Variants in MYO1E observed in about 807,000 individuals in gnomAD.
The protein encoded by MYO1E is unconventional myosin-Ie.
MYO1E carries 68 observed loss-of-function variants against 151.1 expected under a neutral mutation model. The observed-to-expected ratio is 0.45, with a 90% CI of 0.37 to 0.55. The LOEUF (loss-of-function observed/expected upper bound fraction) is 0.55. Among genes scored for constraint, MYO1E ranks in the 20% least tolerant of loss-of-function variants. MYO1E has a pLI of 0.00. For synonymous variants in MYO1E, 601 were observed against 501.7 expected (o/e 1.20, Z -2.64); for missense variants, 1,363 against 1,389.3 (o/e 0.98, Z 0.30).
intron 23 of MYO1E, 37 bp downstream of exon 23, chr15:59,163,120 C>T (rs1394521343): frequency 6.2e-7 from 1 of 1,611,642 alleles, no homozygotes; most frequent in Admixed American, 1.7e-5. Flanking sequence ...CCCTTTTTAG[C>T]TACACGCAGA....
intron 2 of MYO1E, among the ~76,000 whole-genome samples, chr15:59,270,597 C>T (rs2080283783): frequency 6.7e-6 from 1 of 148,188 alleles, no homozygotes; most frequent in Admixed American, 6.7e-5. Flanking sequence ...TTATATCCCA[C>T]AACTATATAC....
At chr15:59,302,440 G>GT (rs1238545920) in intron 1 of MYO1E, among the ~76,000 whole-genome samples, 1 of 152,178 alleles carries the variant, frequency 6.6e-6, no homozygotes, top group Non-Finnish European at 1.5e-5. Context: ...CCTTAGCTGG[G>GT]TGACCACTGC....
chr15:59,206,642 T>G (rs2079835893), intron 14 of MYO1E: 2 of 379,678 alleles, frequency 5.3e-6, no homozygotes, highest in Non-Finnish European at 9.4e-6. Flanking sequence ...AACTAGTAAT[T>G]CCAGGGATCT....
intron 12 of MYO1E, 145 bp from the exon 13 acceptor site, chr15:59,210,745 C>G: frequency 1.5e-6 from 1 of 651,578 alleles, no homozygotes; most frequent in Non-Finnish European, 2.7e-6. Flanking sequence ...TTTTTATTTT[C>G]TAAGAGGTAA....
intron 1 of MYO1E, among the ~76,000 whole-genome samples, chr15:59,294,637 C>T (rs1250517856): frequency 6.6e-6 from 1 of 152,196 alleles, no homozygotes; most frequent in Non-Finnish European, 1.5e-5. Context: ...CTCCCTTGCC[C>T]CTGTCGTTTC....
At chr15:59,241,707 A>G (rs35226942) in intron 4 of MYO1E, among the ~76,000 whole-genome samples, 1 of 152,094 alleles carries the variant, frequency 6.6e-6, no homozygotes, top group Non-Finnish European at 1.5e-5. Context: ...CCATCTCAAA[A>G]ATAAATAGAT....
In MYO1E at chr15:59,224,708, C is replaced by G. The variant is rs143368771; in HGVS notation, c.758G>C (p.Arg253Pro). Residue 253 changes from arginine to proline, a missense_variant, in exon 8 of 28, where the codon CGG (arginine) becomes CCG (proline). Physicochemically the swap from Arg to Pro is moderately radical, Grantham distance 103 (BLOSUM62 -2). Coordinates refer to ENST00000288235, the MANE Select transcript of MYO1E (RefSeq NM_004998.4). ...SYKVDDIDDRREFQETLHAMN... is the reference protein window; with the variant it reads ...SYKVDDIDDRPEFQETLHAMN... Reference sequence around the variant, plus strand: ...ACTTACCAGAGTTTCCTGAAACTCCCGCCTGTCGTCAATGTCATCAACCTT... The same window carrying G: ...ACTTACCAGAGTTTCCTGAAACTCCGGCCTGTCGTCAATGTCATCAACCTT... 3.1e-6 allele frequency: 5 copies of G among 1,613,278 alleles called. No individual in the cohort carries two copies. In the African/African-American group the frequency reaches 5.3e-5, roughly 17 times the overall value.
chr15:59,231,909 G>T (rs2306784), intron 5 of MYO1E, 118 bp from the exon 6 acceptor site: 2 of 887,736 alleles, frequency 2.3e-6, no homozygotes, highest in Non-Finnish European at 3.7e-6. Context: ...CCCCACACCC[G>T]TGTGTCACTG....
At position 59,195,710 on chromosome 15, in the gene MYO1E, G is replaced by T. The variant is rs1312768595; in HGVS notation, c.1699-143C>A. 21 of 854,814 alleles carry T rather than the reference G, an allele frequency of 2.5e-5. No individual in the cohort carries two copies. The Admixed American group carries it at 4.2e-4, about 17-fold the overall frequency. 53.0% of individuals were successfully genotyped at this position (854,814 alleles called of 1,614,324 possible). A position where few individuals can be genotyped will look rare whatever the true frequency, so the allele number is the denominator to read the frequency against. ...AATTTGCTCGTTAAGCATAACTCAG[G>T]TCTACTAAACTTTCCGAAAGCTTTG... On this transcript the variant is annotated intron_variant, in intron 16 of 27. Transcript: ENST00000288235.
intron 19 of MYO1E, among the ~76,000 whole-genome samples, chr15:59,174,788 G>C (rs965146050): frequency 6.6e-6 from 1 of 152,016 alleles, no homozygotes; most frequent in African/African-American, 2.4e-5. Flanking sequence ...ATTCACCAAG[G>C]ACCAGCGGAG....
At chr15:59,326,553 A>G (rs1397451664) in intron 1 of MYO1E, among the ~76,000 whole-genome samples, 2 of 152,132 alleles carry the variant, frequency 1.3e-5, no homozygotes, top group African/African-American at 4.8e-5. Context: ...GTCAGTCTGA[A>G]CCCATTTTTC....
At chr15:59,361,079 A>C (rs2080882402) in intron 1 of MYO1E, among the ~76,000 whole-genome samples, 1 of 152,132 alleles carries the variant, frequency 6.6e-6, no homozygotes, top group African/African-American at 2.4e-5. Flanking sequence ...TATGTAAACA[A>C]GCCAGAGCTA....
intron 9 of MYO1E, among the ~76,000 whole-genome samples, chr15:59,220,509 C>CCAG: frequency 6.6e-6 from 1 of 152,116 alleles, no homozygotes; most frequent in Non-Finnish European, 1.5e-5. Context: ...GGCTATTTTG[C>CCAG]TTTAGTAGGC....
chr15:59,236,780 A>C (rs908336329), intron 4 of MYO1E, 108 bp from the exon 5 acceptor site: 78 of 1,114,646 alleles, frequency 7.0e-5, no homozygotes, highest in Non-Finnish European at 7.3e-5. Context: ...AAACAAAAAA[A>C]ACAGGCAGAA....
chr15:59,203,180 A>G (rs540580075), intron 15 of MYO1E, among the ~76,000 whole-genome samples: 2 of 152,320 alleles, frequency 1.3e-5, no homozygotes, highest in Admixed American at 1.3e-4. Flanking sequence ...CTGCGGCTGA[A>G]TAATTCTTTG....
At position 59,372,535 on chromosome 15, in the gene MYO1E, C is replaced by T. The variant is rs1322080256; in HGVS notation, c.-35G>A. 2.6e-6 allele frequency: 4 copies of T among 1,535,326 alleles called. No homozygotes were observed. The highest frequency in any genetic ancestry group is 2.6e-6 in the Non-Finnish European group (3 of 1,140,662). On this transcript the variant is annotated 5_prime_UTR_variant, in exon 1 of 28. Coordinates refer to ENST00000288235, the MANE Select transcript of MYO1E (RefSeq NM_004998.4). ...CGCCGCGGTCGCGTCTTCGCCGGGTCCCGCTGCCGGGGAACTGGGGCTGGA... is the reference window on the plus strand; with the variant it reads ...CGCCGCGGTCGCGTCTTCGCCGGGTTCCGCTGCCGGGGAACTGGGGCTGGA...
At chr15:59,185,623 C>A (rs1365811178) in intron 18 of MYO1E, among the ~76,000 whole-genome samples, 3 of 152,204 alleles carry the variant, frequency 2.0e-5, no homozygotes. Flanking sequence ...TGCCTGTAAT[C>A]CCAGCAGTTT....
At chr15:59,342,678 T>A (rs1391213201) in intron 1 of MYO1E, among the ~76,000 whole-genome samples, 1 of 152,246 alleles carries the variant, frequency 6.6e-6, no homozygotes. Context: ...GGTTGTTTTG[T>A]GGTCTTCTCT....
chr15:59,335,205 A>T (rs1423044281), intron 1 of MYO1E, among the ~76,000 whole-genome samples: 11 of 152,004 alleles, frequency 7.2e-5, no homozygotes, highest in African/African-American at 2.2e-4. Context: ...TTAAAGTGCA[A>T]TTTTGACGTT....
Sources: gnomAD v4.1 joint callset for allele counts (sites outside exome capture counted in the v4.1 genomes callset) on GRCh38, gnomAD v4.1.1 for gene constraint, MANE v1.5 for transcripts, NCBI Gene and HGNC (gene_info 2026-07-23, HGNC 2026-07-21) for gene names.